NOSTRIN: variants seen among roughly 807,000 people sequenced by gnomAD.
NOSTRIN encodes BM247 homolog.
NOSTRIN carries 63 observed loss-of-function variants against 59.0 expected under a neutral mutation model. That is an observed-to-expected ratio of 1.07 (90% CI 0.87 to 1.32). The LOEUF is 1.32. NOSTRIN is among the 40% of genes most tolerant of loss of function. The pLI is 0.00. For synonymous variants in NOSTRIN, 200 were observed against 165.4 expected (o/e 1.21, Z -1.61); for missense variants, 512 against 473.1 (o/e 1.08, Z -0.76).
At chr2:168,796,012 G>A (rs1685469154), upstream of NOSTRIN, among the ~76,000 whole-genome samples, 1 of 152,178 alleles carries the variant, frequency 6.6e-6, no homozygotes, top group Admixed American at 6.5e-5. Flanking sequence ...GTATCTTTCA[G>A]CTTTGGAGAG....
Position 168,802,663 on chromosome 2 carries a change from C to G in NOSTRIN, c.17C>G (p.Thr6Arg), listed in dbSNP as rs1286418683. 1 of 869,818 alleles carries G rather than the reference C, an allele frequency of 1.1e-6. No individual in the cohort carries two copies. Among genetic ancestry groups the G allele is most frequent in the African/African-American group, 1.6e-5 (1 of 61,418 alleles). 53.9% of individuals were successfully genotyped at this position (869,818 alleles called of 1,614,324 possible). The change falls in exon 1 of 16, where the codon ACA becomes AGA. Residue 6 changes from threonine to arginine, a missense_variant. By Grantham distance (71) the Thr-to-Arg change is moderately conservative. Transcript: ENST00000317647. ...CATTTCAACATGAGGGACCCACTGA[C>G]AGATTGTCCGGTGAGTAGCTCAGTG... Reference protein sequence around the residue: MRDPLTDCPYNKVYKN... With the variant: MRDPLRDCPYNKVYKN...
intron 7 of NOSTRIN, among the ~76,000 whole-genome samples, chr2:168,841,281 T>C (rs546339028): frequency 3.0e-5 from 3 of 99,028 alleles, no homozygotes; most frequent in East Asian, 6.2e-4. Context: ...AAGAAAGATA[T>C]TGAATGCTTT....
chr2:168,864,449 C>A (rs1482825727), intron 15 of NOSTRIN, among the ~76,000 whole-genome samples: 2 of 151,934 alleles, frequency 1.3e-5, no homozygotes, highest in African/African-American at 4.8e-5. Context: ...CCACACCCAG[C>A]TAATTTTTGT....
At chr2:168,833,261 G>A (rs552445) in intron 6 of NOSTRIN, among the ~76,000 whole-genome samples, 4 of 151,954 alleles carry the variant, frequency 2.6e-5, no homozygotes, top group Admixed American at 6.6e-5. Flanking sequence ...ATATTCATGC[G>A]TCACACTCTC....
At chr2:168,860,268 C>A (rs1689355365) in intron 13 of NOSTRIN, among the ~76,000 whole-genome samples, 1 of 152,222 alleles carries the variant, frequency 6.6e-6, no homozygotes, top group Non-Finnish European at 1.5e-5. Context: ...ATTGGAAACA[C>A]AGGCTATAAA....
intron 2 of NOSTRIN, among the ~76,000 whole-genome samples, chr2:168,812,796 GA>G (rs1340127046): frequency 1.3e-5 from 2 of 152,206 alleles, no homozygotes; most frequent in African/African-American, 4.8e-5. Context: ...AAGGCAGAGA[GA>G]GGGGCAGAGT....
upstream of NOSTRIN, among the ~76,000 whole-genome samples, chr2:168,793,457 A>T (rs1373109694): frequency 2.0e-5 from 3 of 152,130 alleles, no homozygotes; most frequent in African/African-American, 7.2e-5. Context: ...AAAATAAAAA[A>T]TAAATTAGCT....
At chr2:168,861,885 A>G (rs2105796644) in intron 14 of NOSTRIN, 75 bp from the exon 15 acceptor site, 1 of 1,369,668 alleles carries the variant, frequency 7.3e-7, no homozygotes, top group South Asian at 1.2e-5. Flanking sequence ...CACACTGTTA[A>G]ATAACCAAAG....
chr2:168,856,717 C>T lies in NOSTRIN; in HGVS notation c.992C>T (p.Ser331Phe). 1.2e-6 allele frequency: 2 copies of T among 1,614,140 alleles called. No individual in the cohort carries two copies. The highest frequency in any genetic ancestry group is 1.7e-6 in the Non-Finnish European group (2 of 1,180,004). The change falls in exon 12 of 16, where the codon TCC becomes TTC. Residue 331 changes from serine to phenylalanine, a missense_variant. Transcript: ENST00000317647. ...EGLERMLKTY[S>F]STSSFSDAKS... The stretch of plus-strand genomic sequence containing the variant: ...CTGGAACGAATGCTTAAAACGTACT[C>T]CAGCACCTCCTCCTTCTCTGATGCA...
intron 8 of NOSTRIN, among the ~76,000 whole-genome samples, chr2:168,844,494 G>A (rs1405954220): frequency 6.6e-6 from 1 of 152,156 alleles, no homozygotes; most frequent in Non-Finnish European, 1.5e-5. Flanking sequence ...TTTAGGCTGT[G>A]CTAAGCACAT....
chr2:168,802,049 G>C (rs530940078), upstream of NOSTRIN, among the ~76,000 whole-genome samples: 2 of 152,104 alleles, frequency 1.3e-5, no homozygotes, highest in African/African-American at 4.8e-5. Context: ...TGGGATTTAG[G>C]GGGTGGGGGA....
intron 11 of NOSTRIN, 118 bp from the exon 12 acceptor site, chr2:168,856,572 C>CT: frequency 2.6e-6 from 2 of 758,040 alleles, no homozygotes; most frequent in Non-Finnish European, 4.2e-6. Flanking sequence ...AAGACTCCGT[C>CT]TTAAAAAAAA....
At chr2:168,802,781 C>T in intron 1 of NOSTRIN, 108 bp downstream of exon 1, 4 of 800,228 alleles carry the variant, frequency 5.0e-6, no homozygotes, top group Non-Finnish European at 6.5e-6. Flanking sequence ...AGAAACCAAA[C>T]ACATTTAGAT....
chr2:168,790,236 A>T lies in NOSTRIN; in HGVS notation c.-473+2188A>T, dbSNP rs1432623009. 2.0e-5 allele frequency among the ~76,000 whole-genome samples: 3 copies of T among 152,258 alleles called. No homozygotes were observed. In the East Asian group the frequency reaches 5.8e-4, roughly 29 times the overall value. On this transcript the variant is annotated intron_variant, in intron 2 of 20. Coordinates refer to the NOSTRIN transcript ENST00000458381. ...TTGCCATAAAGATAATACTAGTAAT[A>T]AATTATAATGCATTGAATAAAATGG...
chr2:168,861,076 G>C (rs1342885371), intron 14 of NOSTRIN, among the ~76,000 whole-genome samples, 167 bp downstream of exon 14: 1 of 152,188 alleles, frequency 6.6e-6, no homozygotes, highest in Non-Finnish European at 1.5e-5. Flanking sequence ...TGTAAAAATG[G>C]GAAAAAGTTA....
upstream of NOSTRIN, among the ~76,000 whole-genome samples, chr2:168,794,233 A>G (rs1192301828): frequency 6.6e-6 from 1 of 152,250 alleles, no homozygotes; most frequent in Non-Finnish European, 1.5e-5. Flanking sequence ...TCAATTGTGT[A>G]AAATGCTACA....
At chr2:168,792,041 G>T (rs1366712408) in intron 2 of NOSTRIN, among the ~76,000 whole-genome samples, 5 of 152,104 alleles carry the variant, frequency 3.3e-5, no homozygotes, top group African/African-American at 1.2e-4. Context: ...TGGTGTTTTA[G>T]ACATGAAGTC....
chr2:168,861,860 A>G lies in NOSTRIN; in HGVS notation c.1295-100A>G, dbSNP rs1251540844. ...TTTCCTTTTGAGAAAAATTTAATAT[A>G]TTGAAACTCTGCATCACACTGTTAA... On this transcript the variant is annotated intron_variant, in intron 14 of 15. Coordinates refer to ENST00000317647, the MANE Select transcript of NOSTRIN (RefSeq NM_001039724.4). The G allele has an allele frequency of 3.7e-6, 4 of 1,072,608 alleles. No individual in the cohort carries two copies. The Admixed American group carries it at 9.1e-5, about 24-fold the overall frequency. The allele number at this position is 1,072,608 out of a possible 1,614,324, so 66.4% of individuals were successfully genotyped here.
intron 8 of NOSTRIN, among the ~76,000 whole-genome samples, chr2:168,845,449 G>T (rs1485018999): frequency 2.0e-5 from 3 of 152,184 alleles, no homozygotes; most frequent in Non-Finnish European, 4.4e-5. Flanking sequence ...TCGCAGCAAT[G>T]GGAGATAAAT....
Sources: gnomAD v4.1 joint callset for allele counts (sites outside exome capture counted in the v4.1 genomes callset) on GRCh38, gnomAD v4.1.1 for gene constraint, MANE v1.5 for transcripts, NCBI Gene and HGNC (gene_info 2026-07-23, HGNC 2026-07-21) for gene names.